Variants in STEAP4 observed in about 807,000 individuals in gnomAD.
STEAP4 encodes the protein metalloreductase STEAP4.
A neutral mutation model predicts 43.6 loss-of-function variants in STEAP4; 36 were observed. The ratio of observed to expected loss-of-function variants is 0.83; its 90% CI spans 0.63 to 1.09. The LOEUF (loss-of-function observed/expected upper bound fraction) is 1.09, where lower values mean the gene tolerates loss of function less well. Among genes scored for constraint, STEAP4 ranks in the 50% least tolerant of loss-of-function variants. The pLI, the probability that STEAP4 is intolerant of heterozygous loss-of-function variation, is 0.00. For missense variants in STEAP4, 495 were observed against 546.5 expected (o/e 0.91, Z 0.94); for synonymous variants, 191 against 196.7 (o/e 0.97, Z 0.24).
intron 4 of STEAP4, 72 bp from the exon 5 acceptor site, chr7:88,279,700 A>G (rs965958445): frequency 1.3e-5 from 17 of 1,285,226 alleles, no homozygotes; most frequent in Non-Finnish European, 1.6e-5. Context: ...TAAGCCAGTG[A>G]CAGATATTTG....
rs559433843 is a variant in STEAP4 at position 88,279,082 on chromosome 7, A to G, written c.*316T>C. 106 of 341,668 alleles carry G rather than the reference A, an allele frequency of 3.1e-4. 2 individuals are homozygous for G. Among genetic ancestry groups the G allele is most frequent in the South Asian group, 3.0e-3 (105 of 35,080 alleles). 21.2% of individuals were successfully genotyped at this position (341,668 alleles called of 1,614,324 possible). ...ATTGGATTTTGCAAGACATTAGGTC[A>G]TGCATGTTGCCCATAACAAGGAAAC... On this transcript the variant is annotated 3_prime_UTR_variant, in exon 5 of 5. Transcript: ENST00000380079.
At position 88,283,066 on chromosome 7, in the gene STEAP4, T is replaced by C. The variant is rs1852656233; in HGVS notation, c.559A>G (p.Lys187Glu). 12 of 1,613,478 alleles carry C rather than the reference T, an allele frequency of 7.4e-6. No individual in the cohort carries two copies. The highest frequency in any genetic ancestry group is 8.5e-6 in the Non-Finnish European group (10 of 1,179,710). ...PMDQGSLMAA[K>E]EIEKYPLQLF... ...TGCAGGGGGTACTTTTCAATTTCTT[T>C]GGCTGCCATGAGTGATCCTTGATCC... The change falls in exon 3 of 5, where the codon AAA (lysine) becomes GAA (glutamate). Residue 187 changes from lysine to glutamate, a missense_variant. Coordinates refer to ENST00000380079, the MANE Select transcript of STEAP4 (RefSeq NM_024636.4).
intron 1 of STEAP4, among the ~76,000 whole-genome samples, chr7:88,306,359 TA>T (rs965288678): frequency 3.9e-5 from 6 of 152,154 alleles, no homozygotes; most frequent in African/African-American, 1.4e-4. Flanking sequence ...TAAATCAAGA[TA>T]AAAAAATGGA....
At chr7:88,300,523 G>A (rs1440461075) in intron 1 of STEAP4, among the ~76,000 whole-genome samples, 1 of 152,130 alleles carries the variant, frequency 6.6e-6, no homozygotes, top group Non-Finnish European at 1.5e-5. Flanking sequence ...AGAATTACAG[G>A]TATGAGCCAC....
intron 1 of STEAP4, among the ~76,000 whole-genome samples, chr7:88,285,194 T>A (rs1047369172): frequency 2.6e-5 from 4 of 152,054 alleles, no homozygotes; most frequent in African/African-American, 9.7e-5. Context: ...TCTTCATATA[T>A]TAAAAAAGAA....
At chr7:88,295,412 A>AT (rs1563502698) in intron 1 of STEAP4, among the ~76,000 whole-genome samples, 1 of 152,224 alleles carries the variant, frequency 6.6e-6, no homozygotes, top group Non-Finnish European at 1.5e-5. Flanking sequence ...CCTGGTGCAC[A>AT]TGAGAATCAG....
At position 88,270,980 on chromosome 7, in the gene STEAP4, C is replaced by T. The variant is rs538450430; in HGVS notation, c.*8418G>A. 3 of 152,146 alleles carry T rather than the reference C, an allele frequency of 2.0e-5. No homozygotes were observed. The highest frequency in any genetic ancestry group is 4.1e-4 in the South Asian group (2 of 4,826). The allele number at this position is 152,146 out of a possible 1,614,324, so 9.4% of individuals were successfully genotyped here. A position where few individuals can be genotyped will look rare whatever the true frequency, so the allele number is the denominator to read the frequency against. ...TGGGGTACATAGTGACATTGCAATA[C>T]ACAAAATATACAGTGATCAGATTAG... On this transcript the variant is annotated 3_prime_UTR_variant, in exon 5 of 5. Transcript: ENST00000380079.
At chr7:88,300,865 C>G (rs182370755) in intron 1 of STEAP4, among the ~76,000 whole-genome samples, 47 of 148,618 alleles carry the variant, frequency 3.2e-4, no homozygotes, top group African/African-American at 1.0e-3. Context: ...CACCTTCTTA[C>G]AAGGCTCCTA....
chr7:88,286,169 GCAGT>G (rs1852730887), intron 1 of STEAP4, among the ~76,000 whole-genome samples: 2 of 152,106 alleles, frequency 1.3e-5, no homozygotes, highest in South Asian at 2.1e-4. Flanking sequence ...TAGGGAAGCC[GCAGT>G]CAAAGAAATT....
chr7:88,290,566 T>C (rs1007990819), intron 1 of STEAP4: 1 of 152,204 alleles, frequency 6.6e-6, no homozygotes, highest in Non-Finnish European at 1.5e-5. Flanking sequence ...TTCTCTAGTA[T>C]CTAAATAGGC....
chr7:88,271,416 T>C lies in STEAP4; in HGVS notation c.*7982A>G, dbSNP rs1852437244. The C allele has an allele frequency of 6.6e-6, 1 of 152,198 alleles. No homozygotes were observed. The highest frequency in any genetic ancestry group is 2.4e-5 in the African/African-American group (1 of 41,458). The allele number at this position is 152,198 out of a possible 1,614,324, so 9.4% of individuals were successfully genotyped here. A position where few individuals can be genotyped will look rare whatever the true frequency, so the allele number is the denominator to read the frequency against. On this transcript the variant is annotated 3_prime_UTR_variant, in exon 5 of 5. Transcript: ENST00000380079. Reference sequence around the variant, plus strand: ...TGCAAAAGGAATCATACTATATATGTTATTTTGTACCTTTTTAAAAACTGA... The same window carrying C: ...TGCAAAAGGAATCATACTATATATGCTATTTTGTACCTTTTTAAAAACTGA...
intron 1 of STEAP4, among the ~76,000 whole-genome samples, chr7:88,295,416 G>A (rs577665204): frequency 2.0e-5 from 3 of 152,290 alleles, no homozygotes; most frequent in African/African-American, 7.2e-5. Flanking sequence ...GTGCACATGA[G>A]AATCAGGTAG....
Position 88,283,156 on chromosome 7 carries a change from C to A in STEAP4, c.469G>T (p.Gly157Ter). ...CTTTGCTTGGCTTTGCTGTCATTTC[C>A]ACACACAAACACCTAGTTTAAAAAC... ...LDASRQVFVC[G>*]NDSKAKQRVM... Residue 157 changes from glycine to a stop codon, truncating the protein, a stop_gained, in exon 3 of 5, where the codon GGA (glycine) becomes TGA (stop). Transcript: ENST00000380079. LOFTEE classifies it high-confidence loss of function. The A allele has an allele frequency of 6.5e-7, 1 of 1,543,020 alleles. No homozygotes were observed. The highest frequency in any genetic ancestry group is 8.7e-7 in the Non-Finnish European group (1 of 1,149,220).
At chr7:88,282,089 G>A (rs1852629112) in intron 3 of STEAP4, 1 of 152,008 alleles carries the variant, frequency 6.6e-6, no homozygotes, top group Non-Finnish European at 1.5e-5. Context: ...ATCTCTATGA[G>A]CCCTGGGAAT....
intron 1 of STEAP4, among the ~76,000 whole-genome samples, chr7:88,285,192 T>C (rs1852707738): frequency 1.3e-5 from 2 of 152,100 alleles, no homozygotes; most frequent in African/African-American, 2.4e-5. Flanking sequence ...ATTCTTCATA[T>C]ATTAAAAAAG....
intron 1 of STEAP4, among the ~76,000 whole-genome samples, chr7:88,285,852 C>T (rs1852724219): frequency 6.7e-6 from 1 of 149,514 alleles, no homozygotes; most frequent in Non-Finnish European, 1.5e-5. Flanking sequence ...TGGACCCAAA[C>T]ACATATGATA....
At chr7:88,280,189 C>G (rs571150276) in intron 4 of STEAP4, among the ~76,000 whole-genome samples, 4 of 152,276 alleles carry the variant, frequency 2.6e-5, no homozygotes, top group African/African-American at 9.6e-5. Flanking sequence ...GGAGAAATTG[C>G]AAGACTTAAG....
In STEAP4 at chr7:88,279,334, T is replaced by A. The variant is rs1418220879; in HGVS notation, c.*64A>T. The A allele has an allele frequency of 2.7e-6, 4 of 1,493,614 alleles. No homozygotes were observed. Among genetic ancestry groups the A allele is most frequent in the Non-Finnish European group, 3.7e-6 (4 of 1,079,458 alleles). The allele number at this position is 1,493,614 out of a possible 1,614,324, so 92.5% of individuals were successfully genotyped here. On this transcript the variant is annotated 3_prime_UTR_variant, in exon 5 of 5. Coordinates refer to ENST00000380079, the MANE Select transcript of STEAP4 (RefSeq NM_024636.4). ...ATTCTTCTTTAAACATTCAAAACCA[T>A]AGTTCAGAAATCCAGCTAAATTGAA... is the stretch of plus-strand genomic sequence containing the variant.
intron 1 of STEAP4, among the ~76,000 whole-genome samples, chr7:88,289,476 G>A (rs1410526164): frequency 2.0e-5 from 3 of 152,156 alleles, no homozygotes; most frequent in Non-Finnish European, 4.4e-5. Context: ...TGTATGTAGA[G>A]TTTGCACCTT....
Sources: gnomAD v4.1 joint callset for allele counts (sites outside exome capture counted in the v4.1 genomes callset) on GRCh38, gnomAD v4.1.1 for gene constraint, MANE v1.5 for transcripts, NCBI Gene and HGNC (gene_info 2026-07-23, HGNC 2026-07-21) for gene names.